CCDC150: variants seen among roughly 807,000 people sequenced by gnomAD.
The protein encoded by CCDC150 is coiled-coil domain-containing protein 150.
Under a neutral mutation model 156.5 loss-of-function variants are expected in CCDC150, and 151 were observed. The observed-to-expected ratio is 0.97, with a 90% CI of 0.85 to 1.10. The LOEUF is 1.10. CCDC150 is among the 50% of genes least tolerant of loss of function. CCDC150 has a pLI of 0.00. For missense variants in CCDC150, 1,312 were observed against 1,268.1 expected, an observed-to-expected ratio of 1.03 and a Z score of -0.53; for synonymous variants, 452 against 429.4, an observed-to-expected ratio of 1.05 and a Z score of -0.65.
rs779281169 is a variant in CCDC150 at position 196,639,719 on chromosome 2, C to T, written c.-48C>T. Reference sequence around the variant, plus strand: ...GTTGGTTTAAAATGCTGTGTTAGTTCCACGGAAACCCGCTCGCCTGCTGCA... The same window carrying T: ...GTTGGTTTAAAATGCTGTGTTAGTTTCACGGAAACCCGCTCGCCTGCTGCA... On this transcript the variant is annotated 5_prime_UTR_variant, in exon 1 of 28. Coordinates refer to ENST00000389175, the MANE Select transcript of CCDC150 (RefSeq NM_001080539.2). 10 of 1,510,348 alleles carry T rather than the reference C, an allele frequency of 6.6e-6. No individual in the cohort carries two copies. The highest frequency in any genetic ancestry group is 4.0e-5 in the South Asian group (3 of 75,018). 93.6% of individuals were successfully genotyped at this position (1,510,348 alleles called of 1,614,324 possible). A position where few individuals can be genotyped will look rare whatever the true frequency, so the allele number is the denominator to read the frequency against.
chr2:196,691,410 C>G (rs777600373), intron 13 of CCDC150, among the ~76,000 whole-genome samples: 1 of 152,114 alleles, frequency 6.6e-6, no homozygotes, highest in Non-Finnish European at 1.5e-5. Flanking sequence ...TTCAGGGATT[C>G]AATTTCTTCT....
At position 196,732,738 on chromosome 2, in the gene CCDC150, CTTT is replaced by C; in HGVS notation, c.*181_*183del. 1 of 420,314 alleles carries C rather than the reference CTTT, an allele frequency of 2.4e-6. No individual in the cohort carries two copies. Among genetic ancestry groups the C allele is most frequent in the Non-Finnish European group, 4.3e-6 (1 of 234,744 alleles). 26.0% of individuals were successfully genotyped at this position (420,314 alleles called of 1,614,324 possible). On this transcript the variant is annotated 3_prime_UTR_variant, in exon 28 of 28. Transcript: ENST00000389175. ...CTCTTATATCAGTACAAAACTACCCCTTTTTTTGTCCCTTTTCACATTTTCCAC... is the reference window on the plus strand; with the variant it reads ...CTCTTATATCAGTACAAAACTACCCCTTTTGTCCCTTTTCACATTTTCCAC...
intron 15 of CCDC150, among the ~76,000 whole-genome samples, chr2:196,704,045 A>G (rs947518841): frequency 2.0e-5 from 3 of 152,260 alleles, no homozygotes; most frequent in African/African-American, 7.2e-5. Context: ...TAACTCTTAC[A>G]AGACAATTTA....
intron 13 of CCDC150, among the ~76,000 whole-genome samples, chr2:196,692,433 C>T (rs13033493): frequency 0.77 from 117,196 of 152,082 alleles, 45,351 homozygotes; most frequent in East Asian, 0.95. Context: ...CGCGCCCGGC[C>T]GAGATCTAAT....
At chr2:196,649,950 C>T (rs1692777563) in intron 2 of CCDC150, among the ~76,000 whole-genome samples, 1 of 152,134 alleles carries the variant, frequency 6.6e-6, no homozygotes, top group South Asian at 2.1e-4. Context: ...CAAAAAGAGA[C>T]AATTTCACTT....
At chr2:196,650,710 A>AT (rs1177407960) in intron 2 of CCDC150, among the ~76,000 whole-genome samples, 1 of 152,086 alleles carries the variant, frequency 6.6e-6, no homozygotes, top group African/African-American at 2.4e-5. Flanking sequence ...TTTATTGATA[A>AT]TTTTTGCATC....
chr2:196,693,799 A>AT (rs1185270262), intron 13 of CCDC150, among the ~76,000 whole-genome samples: 2 of 152,120 alleles, frequency 1.3e-5, no homozygotes, highest in Non-Finnish European at 2.9e-5. Flanking sequence ...TTAATCAACT[A>AT]GAGGTGGTTC....
intron 8 of CCDC150, among the ~76,000 whole-genome samples, chr2:196,670,771 G>A (rs1005984108): frequency 1.3e-5 from 2 of 152,056 alleles, no homozygotes; most frequent in East Asian, 1.9e-4. Context: ...AAGATACTAG[G>A]TATATTTAGG....
intron 18 of CCDC150, 28 bp from the exon 19 acceptor site, chr2:196,719,469 G>C (rs1697747958): frequency 6.3e-7 from 1 of 1,586,560 alleles, no homozygotes; most frequent in Non-Finnish European, 8.6e-7. Context: ...AGGATCAAAT[G>C]TCTTTGTGTT....
intron 15 of CCDC150, among the ~76,000 whole-genome samples, chr2:196,702,764 G>A (rs1359755183): frequency 6.6e-6 from 1 of 151,688 alleles, no homozygotes. Context: ...AACCGTCCTA[G>A]TCTGTTTTCT....
At chr2:196,665,512 T>G in intron 5 of CCDC150, 55 bp from the exon 6 acceptor site, 1 of 1,028,950 alleles carries the variant, frequency 9.7e-7, no homozygotes, top group Non-Finnish European at 1.4e-6. Flanking sequence ...AACTTTGATC[T>G]TTGTTAAACT....
At chr2:196,719,774 A>C in intron 19 of CCDC150, 108 bp downstream of exon 19, 1 of 673,608 alleles carries the variant, frequency 1.5e-6, no homozygotes, top group South Asian at 4.4e-5. Flanking sequence ...ACAAAAAAAA[A>C]AATTGCAAAA....
At chr2:196,652,461 C>T (rs1361348318) in intron 2 of CCDC150, among the ~76,000 whole-genome samples, 3 of 152,264 alleles carry the variant, frequency 2.0e-5, no homozygotes, top group Admixed American at 6.5e-5. Flanking sequence ...CAATCTTTGA[C>T]TCTCTGTCCC....
chr2:196,732,218 G>A (rs548776876), intron 27 of CCDC150, 66 bp downstream of exon 27: 118 of 1,561,532 alleles, frequency 7.6e-5, no homozygotes, highest in Non-Finnish European at 9.7e-5. Context: ...TCTAATTACC[G>A]AAGTTCTCTC....
intron 2 of CCDC150, among the ~76,000 whole-genome samples, chr2:196,653,697 A>C (rs1370866976): frequency 6.6e-6 from 1 of 152,010 alleles, no homozygotes; most frequent in African/African-American, 2.4e-5. Context: ...GAGCCCTCCA[A>C]ACTCTTCCAA....
chr2:196,675,752 GA>G (rs1293439713), intron 10 of CCDC150, among the ~76,000 whole-genome samples: 1 of 151,994 alleles, frequency 6.6e-6, no homozygotes, highest in Non-Finnish European at 1.5e-5. Flanking sequence ...GAGAGGAAAG[GA>G]TCTTTTCACT....
chr2:196,666,793 A>G lies in CCDC150; in HGVS notation c.837A>G (p.Glu279=), dbSNP rs1559225976. The G allele has an allele frequency of 3.7e-6, 6 of 1,612,024 alleles. No individual in the cohort carries two copies. The highest frequency in any genetic ancestry group is 5.1e-6 in the Non-Finnish European group (6 of 1,178,374). ...IQSAQELLAQ[E]QKKKEELEIA... is the part of the protein sequence containing the mutation. The stretch of plus-strand genomic sequence containing the variant: ...GCGCTCAAGAACTACTGGCCCAGGA[A>G]CAAAAAAAAAAAGAAGAGTTGGAGA... Residue 279 remains glutamate (E), a synonymous_variant, in exon 7 of 28, where the codon GAA becomes GAG. Coordinates refer to ENST00000389175, the MANE Select transcript of CCDC150 (RefSeq NM_001080539.2).
intron 18 of CCDC150, among the ~76,000 whole-genome samples, chr2:196,718,933 T>G (rs954489689): frequency 6.7e-6 from 1 of 149,270 alleles, no homozygotes; most frequent in Non-Finnish European, 1.5e-5. Flanking sequence ...TTTATAGTTA[T>G]GTTTTATTAA....
intron 7 of CCDC150, 39 bp from the exon 8 acceptor site, chr2:196,669,794 G>T (rs1279234706): frequency 8.1e-6 from 11 of 1,356,562 alleles, no homozygotes; most frequent in Non-Finnish European, 1.2e-5. Context: ...AATGTAGCAA[G>T]TTACTATTAT....
Sources: gnomAD v4.1 joint callset for allele counts (sites outside exome capture counted in the v4.1 genomes callset) on GRCh38, gnomAD v4.1.1 for gene constraint, MANE v1.5 for transcripts, NCBI Gene and HGNC (gene_info 2026-07-23, HGNC 2026-07-21) for gene names.